PINX1: variants seen among roughly 807,000 people sequenced by gnomAD.
PINX1 encodes PIN2 (TERF1) interacting telomerase inhibitor 1, also known as PIN2/TERF1-interacting telomerase inhibitor 1.
A neutral mutation model predicts 25.4 loss-of-function variants in PINX1; 34 were observed. The ratio of observed to expected loss-of-function variants is 1.34; its 90% CI spans 1.02 to 1.78. The LOEUF is 1.78. Among genes scored for constraint, PINX1 ranks in the 40% most tolerant of loss-of-function variants. The pLI, the probability that PINX1 is intolerant of heterozygous loss-of-function variation, is 0.00. For missense variants in PINX1, 592 were observed against 404.9 expected (o/e 1.46, Z -3.97); for synonymous variants, 197 against 147.7 (o/e 1.33, Z -2.42).
At chr8:10,806,715 C>T (rs1037735210) in intron 6 of PINX1, among the ~76,000 whole-genome samples, 1 of 152,108 alleles carries the variant, frequency 6.6e-6, no homozygotes, top group Non-Finnish European at 1.5e-5. Context: ...GAAGGTATAA[C>T]CCCTGGAAAA....
chr8:10,792,649 T>C (rs926030815), intron 6 of PINX1, among the ~76,000 whole-genome samples: 1 of 152,162 alleles, frequency 6.6e-6, no homozygotes, highest in Non-Finnish European at 1.5e-5. Flanking sequence ...GTACACCACA[T>C]ACACGCCGCC....
chr8:10,828,103 G>A (rs1298230743), intron 4 of PINX1, among the ~76,000 whole-genome samples: 5 of 152,064 alleles, frequency 3.3e-5, no homozygotes, highest in African/African-American at 4.8e-5. Context: ...GAACTATACA[G>A]CAGGCTCGAA....
chr8:10,792,270 C>T (rs1471090882), intron 6 of PINX1, among the ~76,000 whole-genome samples: 1 of 152,022 alleles, frequency 6.6e-6, no homozygotes, highest in African/African-American at 2.4e-5. Context: ...CCCACTGCTA[C>T]TTCTGCTTGA....
chr8:10,771,611 A>G (rs1801224721), intron 6 of PINX1, among the ~76,000 whole-genome samples: 1 of 152,188 alleles, frequency 6.6e-6, no homozygotes, highest in Non-Finnish European at 1.5e-5. Context: ...GTAAGTGCTC[A>G]ACAAAGGCAC....
At chr8:10,787,410 G>A (rs1801786190) in intron 6 of PINX1, 1 of 165,448 alleles carries the variant, frequency 6.0e-6, no homozygotes, top group Non-Finnish European at 1.3e-5. Flanking sequence ...TAAATTTTTT[G>A]TAGAAATGGG....
intron 6 of PINX1, among the ~76,000 whole-genome samples, chr8:10,797,320 G>T (rs945191798): frequency 6.6e-6 from 1 of 152,166 alleles, no homozygotes; most frequent in African/African-American, 2.4e-5. Flanking sequence ...TCAAATACAA[G>T]GCATTACTGT....
intron 6 of PINX1, among the ~76,000 whole-genome samples, chr8:10,786,906 G>A (rs1485452727): frequency 6.6e-6 from 1 of 152,200 alleles, no homozygotes; most frequent in African/African-American, 2.4e-5. Context: ...CTAATGGGGA[G>A]CATGTCTATT....
In PINX1 at chr8:10,820,231, A is replaced by G. The variant is rs776421222; in HGVS notation, c.433T>C (p.Cys145Arg). The part of the protein sequence containing the change: ...LSSRSKTDLD[C>R]IFGKRQSKKT... ...TTACTCTGTCTTTTCCCAAAAATGC[A>G]GTCAAGATCTGTTTTGCTCCGAGAT... The change falls in exon 6 of 7, where the codon TGC becomes CGC. Residue 145 changes from cysteine (C) to arginine (R), a missense_variant. Transcript: ENST00000314787. The G allele has an allele frequency of 1.2e-6, 2 of 1,613,072 alleles. No homozygotes were observed. The highest frequency in any genetic ancestry group is 1.7e-6 in the Non-Finnish European group (2 of 1,179,122).
At chr8:10,786,761 A>G (rs1284857656) in intron 6 of PINX1, among the ~76,000 whole-genome samples, 1 of 152,056 alleles carries the variant, frequency 6.6e-6, no homozygotes, top group African/African-American at 2.4e-5. Context: ...CTCCCCCAGA[A>G]AGCAGTCCTG....
intron 6 of PINX1, among the ~76,000 whole-genome samples, chr8:10,805,246 G>A (rs1462811274): frequency 6.6e-6 from 1 of 152,206 alleles, no homozygotes. Flanking sequence ...CAGACAGCCT[G>A]CTGGCTACAG....
rs562685734 is a variant in PINX1 at position 10,776,478 on chromosome 8, G to A, written c.472-10562C>T. Among the ~76,000 whole-genome samples, 337 of 151,684 alleles carry A rather than the reference G, an allele frequency of 2.2e-3. 2 individuals carry two copies. Among genetic ancestry groups the A allele is most frequent in the African/African-American group, 7.7e-3 (319 of 41,274 alleles). Reference sequence around the variant, plus strand: ...ACAAACAAACAAACAAATAAAAATTGGTCTTTAACATTATATAATATATAT... The same window carrying A: ...ACAAACAAACAAACAAATAAAAATTAGTCTTTAACATTATATAATATATAT... On this transcript the variant is annotated intron_variant, in intron 6 of 6. Transcript: ENST00000314787.
chr8:10,784,681 T>C (rs1188783441), intron 6 of PINX1, among the ~76,000 whole-genome samples: 2 of 152,168 alleles, frequency 1.3e-5, no homozygotes, highest in Non-Finnish European at 2.9e-5. Context: ...ACAAAATGCT[T>C]CAAAACCAGT....
chr8:10,772,926 G>GA (rs1330598813), intron 6 of PINX1, among the ~76,000 whole-genome samples: 10 of 125,262 alleles, frequency 8.0e-5, no homozygotes, highest in African/African-American at 1.9e-4. Flanking sequence ...AGTTTTTAAT[G>GA]ATTTTTTTTT....
intron 6 of PINX1, among the ~76,000 whole-genome samples, chr8:10,768,769 C>T (rs1483588308): frequency 6.6e-6 from 1 of 152,212 alleles, no homozygotes; most frequent in Non-Finnish European, 1.5e-5. Context: ...ACACCAAAGT[C>T]GGAGACTCAG....
intron 6 of PINX1, among the ~76,000 whole-genome samples, chr8:10,774,908 G>C (rs1289771331): frequency 6.6e-6 from 1 of 152,120 alleles, no homozygotes; most frequent in East Asian, 1.9e-4. Context: ...TCCGAAATTA[G>C]TCATGTTAAA....
At chr8:10,790,044 C>T (rs916269635) in intron 6 of PINX1, among the ~76,000 whole-genome samples, 1 of 152,198 alleles carries the variant, frequency 6.6e-6, no homozygotes, top group Non-Finnish European at 1.5e-5. Context: ...AGCCAAGCGG[C>T]AGGTCCTGAC....
chr8:10,776,223 C>T (rs7830528), intron 6 of PINX1, among the ~76,000 whole-genome samples: 34,688 of 151,814 alleles, frequency 0.23, 4,162 homozygotes, highest in East Asian at 0.33. Context: ...ATCAGGAGTT[C>T]GAGACCAGCC....
At chr8:10,794,094 T>C (rs1802008508) in intron 6 of PINX1, among the ~76,000 whole-genome samples, 1 of 152,232 alleles carries the variant, frequency 6.6e-6, no homozygotes, top group South Asian at 2.1e-4. Flanking sequence ...TAAGCAGGTG[T>C]CGTCACCAGA....
chr8:10,825,211 C>T (rs1194990374), intron 5 of PINX1, among the ~76,000 whole-genome samples: 1 of 152,192 alleles, frequency 6.6e-6, no homozygotes, highest in African/African-American at 2.4e-5. Context: ...TTCCAGCTCC[C>T]ACTGCTATCC....
Sources: allele counts gnomAD v4.1 joint callset (sites outside exome capture counted in the v4.1 genomes callset), GRCh38; gene constraint gnomAD v4.1.1; transcripts MANE v1.5; gene names NCBI Gene and HGNC (gene_info 2026-07-23, HGNC 2026-07-21).